Variants in STXBP5 observed in about 807,000 individuals in gnomAD.
STXBP5 encodes syntaxin-binding protein 5.
Under a neutral mutation model 152.4 loss-of-function variants are expected in STXBP5, and 50 were observed. That is an observed-to-expected ratio of 0.33 (90% CI 0.26 to 0.42). The LOEUF (loss-of-function observed/expected upper bound fraction) is 0.42. Ranked by LOEUF, STXBP5 falls within the 10% of genes least tolerant of loss-of-function variation. The pLI, the probability that STXBP5 is intolerant of heterozygous loss-of-function variation, is 1.00. For synonymous variants in STXBP5, 492 were observed against 494.7 expected (o/e 0.99, Z 0.07); for missense variants, 1,167 against 1,388.6 (o/e 0.84, Z 2.54).
chr6:147,214,899 G>A (rs1262053869), intron 2 of STXBP5, among the ~76,000 whole-genome samples: 1 of 152,192 alleles, frequency 6.6e-6, no homozygotes, highest in Non-Finnish European at 1.5e-5. Context: ...AAATCAAGAT[G>A]AGGGAACACA....
intron 4 of STXBP5, among the ~76,000 whole-genome samples, chr6:147,245,490 C>T (rs1372646602): frequency 3.9e-5 from 6 of 152,122 alleles, no homozygotes; most frequent in Non-Finnish European, 8.8e-5. Context: ...GTAGTAGCTA[C>T]AGCATCTCAA....
At chr6:147,218,809 G>A (rs1027992561) in intron 2 of STXBP5, among the ~76,000 whole-genome samples, 1 of 152,182 alleles carries the variant, frequency 6.6e-6, no homozygotes, top group Non-Finnish European at 1.5e-5. Flanking sequence ...GCATATCCTG[G>A]CCACCTTGCT....
intron 2 of STXBP5, among the ~76,000 whole-genome samples, chr6:147,216,269 G>A (rs1207849081): frequency 6.6e-6 from 1 of 152,110 alleles, no homozygotes; most frequent in African/African-American, 2.4e-5. Context: ...GCAGGTGCCT[G>A]TAATCCCAGC....
intron 25 of STXBP5, among the ~76,000 whole-genome samples, chr6:147,373,067 G>T (rs1318350881): frequency 1.3e-5 from 2 of 152,174 alleles, no homozygotes; most frequent in East Asian, 3.9e-4. Context: ...TATACTTGCT[G>T]TTAAAAAGTT....
At chr6:147,329,617 C>CCT (rs1783453227) in intron 18 of STXBP5, among the ~76,000 whole-genome samples, 2 of 71,708 alleles carry the variant, frequency 2.8e-5, no homozygotes, top group African/African-American at 5.6e-5. Flanking sequence ...GTTCTTCAGG[C>CCT]TTTTTTTTTT....
intron 8 of STXBP5, among the ~76,000 whole-genome samples, chr6:147,278,624 A>T (rs1255287783): frequency 1.3e-5 from 2 of 152,130 alleles, no homozygotes; most frequent in Non-Finnish European, 2.9e-5. Context: ...ATATATCAAA[A>T]TATGGTGTCA....
At position 147,362,458 on chromosome 6, in the gene STXBP5, A is replaced by G. The variant is rs376130254; in HGVS notation, c.2546-877A>G. Among the ~76,000 whole-genome samples, 4 of 152,350 alleles carry G rather than the reference A, an allele frequency of 2.6e-5. No homozygotes were observed. The South Asian group carries it at 6.2e-4, about 24-fold the overall frequency. ...AGCATATTTGTACATTATCAAGGAT[A>G]TAGGGGGAAAGGGTACCATTAACTG... On this transcript the variant is annotated intron_variant, in intron 23 of 27. Coordinates refer to ENST00000321680, the MANE Select transcript of STXBP5 (RefSeq NM_001127715.4).
chr6:147,365,575 A>G (rs1377942379), intron 25 of STXBP5, among the ~76,000 whole-genome samples: 1 of 152,212 alleles, frequency 6.6e-6, no homozygotes, highest in Non-Finnish European at 1.5e-5. Context: ...ATAGTCTTTT[A>G]GTAGTAAACT....
intron 2 of STXBP5, among the ~76,000 whole-genome samples, chr6:147,207,929 T>C (rs1159412104): frequency 6.6e-6 from 1 of 152,190 alleles, no homozygotes; most frequent in Non-Finnish European, 1.5e-5. Context: ...ACCAGATTCT[T>C]AGACAACACT....
chr6:147,345,348 C>T (rs1784278048), intron 21 of STXBP5, among the ~76,000 whole-genome samples: 1 of 152,122 alleles, frequency 6.6e-6, no homozygotes, highest in South Asian at 2.1e-4. Flanking sequence ...GTTCTAATGG[C>T]TACTAAAATA....
chr6:147,294,891 T>C (rs924468351), intron 9 of STXBP5, among the ~76,000 whole-genome samples: 1 of 152,208 alleles, frequency 6.6e-6, no homozygotes, highest in African/African-American at 2.4e-5. Flanking sequence ...AATGCACTTC[T>C]TCCTATGGGG....
chr6:147,346,145 AACTTCAAG>A (rs1443492718), intron 21 of STXBP5, among the ~76,000 whole-genome samples: 2 of 152,366 alleles, frequency 1.3e-5, no homozygotes, highest in East Asian at 3.9e-4. Flanking sequence ...GAAGATGAGT[AACTTCAAG>A]ACATGAACAG....
intron 2 of STXBP5, among the ~76,000 whole-genome samples, chr6:147,225,449 A>G (rs1452966396): frequency 6.6e-6 from 1 of 152,202 alleles, no homozygotes; most frequent in Non-Finnish European, 1.5e-5. Flanking sequence ...GAAATTGAAT[A>G]TGTCCCTTCT....
intron 6 of STXBP5, among the ~76,000 whole-genome samples, chr6:147,262,701 A>G (rs1161162094): frequency 6.6e-6 from 1 of 151,816 alleles, no homozygotes. Flanking sequence ...ACTTTGTACA[A>G]TTTTTGTAGC....
rs1480855732 is a variant in STXBP5 at position 147,313,923 on chromosome 6, T to C, written c.1185T>C (p.His395=). 4.4e-6 allele frequency: 7 copies of C among 1,599,180 alleles called. No individual in the cohort carries two copies. Among genetic ancestry groups the C allele is most frequent in the South Asian group, 1.1e-5 (1 of 88,624 alleles). The change falls in exon 12 of 28, where the codon CAT becomes CAC. Residue 395 remains histidine, a synonymous_variant. Transcript: ENST00000321680. The part of the protein sequence containing the change: ...IFENPYPLSI[H]ESPVTCCEYF... ...AAAATCCCTACCCTTTGAGTATACATGAGTCCCCTGTTACATGTTGCGAAT... is the reference window on the plus strand; with the variant it reads ...AAAATCCCTACCCTTTGAGTATACACGAGTCCCCTGTTACATGTTGCGAAT...
intron 2 of STXBP5, among the ~76,000 whole-genome samples, chr6:147,222,524 C>G (rs891690829): frequency 2.0e-5 from 3 of 152,098 alleles, no homozygotes; most frequent in African/African-American, 7.2e-5. Context: ...AATAAGATGG[C>G]TAAAGTGGGC....
intron 9 of STXBP5, among the ~76,000 whole-genome samples, chr6:147,303,311 A>T (rs960003584): frequency 6.6e-6 from 1 of 152,120 alleles, no homozygotes; most frequent in Admixed American, 6.6e-5. Context: ...GTAAGTTCTC[A>T]TGAGATCTGA....
At chr6:147,353,277 G>T in intron 21 of STXBP5, 46 bp from the exon 22 acceptor site, 1 of 1,267,036 alleles carries the variant, frequency 7.9e-7, no homozygotes, top group South Asian at 1.5e-5. Context: ...ATATTAGTAT[G>T]AATCAAATAT....
intron 2 of STXBP5, among the ~76,000 whole-genome samples, chr6:147,206,403 G>A (rs1317129674): frequency 6.6e-6 from 1 of 152,160 alleles, no homozygotes. Context: ...GTATGTTAAG[G>A]ATGAGGTTTA....
Sources: gnomAD v4.1 joint callset for allele counts (sites outside exome capture counted in the v4.1 genomes callset) on GRCh38, gnomAD v4.1.1 for gene constraint, MANE v1.5 for transcripts, NCBI Gene and HGNC (gene_info 2026-07-23, HGNC 2026-07-21) for gene names.